Variants in CENPI observed in about 807,000 individuals in gnomAD.
The protein encoded by CENPI is FSH primary response 1.
In CENPI, 4 loss-of-function variants were observed where a neutral mutation model predicts 60.4. The ratio of observed to expected loss-of-function variants is 0.07; its 90% confidence interval spans 0.03 to 0.15. The LOEUF (loss-of-function observed/expected upper bound fraction) is 0.15, where lower values mean the gene tolerates loss of function less well. Among genes scored for constraint, CENPI ranks in the 10% least tolerant of loss-of-function variants. The pLI is 1.00. For synonymous variants in CENPI, 157 were observed against 189.4 expected, an observed-to-expected ratio of 0.83 and a Z score of 1.40; for missense variants, 444 against 534.5, an observed-to-expected ratio of 0.83 and a Z score of 1.67.
At chrX:101,176,100 G>A in the CENPI span, among the ~76,000 whole-genome samples, 3 of 111,659 alleles carry the variant, frequency 2.7e-5, no homozygotes, top group African/African-American at 6.5e-5. Flanking sequence ...TTCCATCCAC[G>A]TTGCTTCAAA....
intron 15 of CENPI, among the ~76,000 whole-genome samples, chrX:101,138,309 G>A (rs2089870918): frequency 9.3e-6 from 1 of 107,960 alleles, no homozygotes; most frequent in African/African-American, 3.4e-5. Context: ...TCTTTAATGT[G>A]GTGACAGGGG....
At chrX:101,172,596 CAGAA>C in the CENPI span, among the ~76,000 whole-genome samples, 10 of 111,826 alleles carry the variant, frequency 8.9e-5, no homozygotes, top group Non-Finnish European at 1.5e-4. Flanking sequence ...TGTATAAAGA[CAGAA>C]AGAAGTAGTT....
intron 8 of CENPI, among the ~76,000 whole-genome samples, chrX:101,122,108 G>C (rs1435650690): frequency 9.0e-6 from 1 of 111,508 alleles, no homozygotes; most frequent in African/African-American, 3.3e-5. Flanking sequence ...TCTGGCCTAG[G>C]AAAGCATTTT....
chrX:101,124,075 G>A (rs1315202296), intron 8 of CENPI, among the ~76,000 whole-genome samples: 2 of 101,123 alleles, frequency 2.0e-5, no homozygotes, highest in Non-Finnish European at 4.0e-5. Context: ...TTGCACGGTT[G>A]TACATATAGA....
Position 101,132,962 on chromosome X carries a change from G to C in CENPI, c.1470+506G>C, listed in dbSNP as rs759138809. ...ATATAATATGTTACTATTTTGGAGT[G>C]GTCTCCAAGAAGACCAATATGGCTT... On this transcript the variant is annotated intron_variant, in intron 15 of 21. Transcript: ENST00000682095. Among the ~76,000 whole-genome samples, 33 of 110,472 alleles carry C rather than the reference G, an allele frequency of 3.0e-4. No individual in the cohort carries two copies. The South Asian group carries it at 4.3e-3, about 14-fold the overall frequency.
intron 11 of CENPI, 116 bp downstream of exon 11, chrX:101,127,781 G>A: frequency 1.8e-6 from 1 of 566,580 alleles, no homozygotes; most frequent in East Asian, 3.6e-5. Flanking sequence ...TGTCACCCAG[G>A]CAGTGGTGTG....
At chrX:101,150,585 G>T (rs1169178651) in intron 20 of CENPI, among the ~76,000 whole-genome samples, 1 of 110,526 alleles carries the variant, frequency 9.0e-6, no homozygotes, top group Non-Finnish European at 1.9e-5. Flanking sequence ...GTCCAGGCTG[G>T]TCTCAAACTC....
chrX:101,143,383 C>T (rs912580793), intron 16 of CENPI, among the ~76,000 whole-genome samples: 1 of 111,170 alleles, frequency 9.0e-6, no homozygotes, highest in Non-Finnish European at 1.9e-5. Flanking sequence ...GAACTAATAC[C>T]CATAGGTACT....
rs1052341077 is a variant in CENPI at position 101,107,240 on chromosome X, G to T, written c.365-2233G>T. 5.2e-4 allele frequency among the ~76,000 whole-genome samples: 57 copies of T among 109,659 alleles called. 1 individual carries two copies. The highest frequency in any genetic ancestry group is 2.8e-4 in the Non-Finnish European group (15 of 52,720). On this transcript the variant is annotated intron_variant, in intron 4 of 21. Coordinates refer to ENST00000682095, the MANE Select transcript of CENPI (RefSeq NM_001386188.2). ...ATGTAACACCTCATGCAAAGTGTCC[G>T]TCAGTAGCTTTAAATAAATCAGTCT...
At chrX:101,123,620 C>G (rs2089702867) in intron 8 of CENPI, among the ~76,000 whole-genome samples, 1 of 110,723 alleles carries the variant, frequency 9.0e-6, no homozygotes, top group Non-Finnish European at 1.9e-5. Context: ...GGGGGTCTCA[C>G]TTTGTCACCC....
At chrX:101,128,894 G>T (rs2089765525) in intron 12 of CENPI, 58 bp downstream of exon 12, 7 of 1,084,121 alleles carry the variant, frequency 6.5e-6, no homozygotes, top group Non-Finnish European at 7.6e-6. Flanking sequence ...TTTTATAAGG[G>T]TGCCAAATTC....
chrX:101,133,317 A>AT (rs750307029), intron 15 of CENPI, among the ~76,000 whole-genome samples: 1,557 of 76,885 alleles, frequency 0.02, 27 homozygotes, highest in East Asian at 0.07. Flanking sequence ...TTCAGTTTGA[A>AT]TTTTTTTTTT....
chrX:101,171,953 A>G, the CENPI span, among the ~76,000 whole-genome samples: 1 of 112,263 alleles, frequency 8.9e-6, no homozygotes, highest in Non-Finnish European at 1.9e-5. Flanking sequence ...TTTTATTCCG[A>G]ATATATAAAT....
Position 101,108,662 on chromosome X carries a change from T to TGA in CENPI, c.365-805_365-804dup, listed in dbSNP as rs1384731716. On this transcript the variant is annotated intron_variant, in intron 4 of 21. Transcript: ENST00000682095. Reference sequence around the variant, plus strand: ...TTTGCCTTATAGTTTTTTTTTTTTTTGAGAGAGGGTCTCACTCTGTCACCC... The same window carrying TGA: ...TTTGCCTTATAGTTTTTTTTTTTTTTGAGAGAGAGGGTCTCACTCTGTCACCC... Among the ~76,000 whole-genome samples the TGA allele has an allele frequency of 6.2e-4, 67 of 108,010 alleles. 1 individual carries two copies. Among genetic ancestry groups the TGA allele is most frequent in the South Asian group, 2.4e-3 (6 of 2,529 alleles). The allele number at this position is 108,010 out of a possible 115,157, so 93.8% of individuals were successfully genotyped here.
chrX:101,155,990 T>C (rs1472401892), intron 20 of CENPI, among the ~76,000 whole-genome samples: 1 of 111,854 alleles, frequency 8.9e-6, no homozygotes, highest in East Asian at 2.8e-4. Context: ...TGCCTTGCCT[T>C]TGTTTAATAA....
At chrX:101,135,535 C>T (rs1281342212) in intron 15 of CENPI, among the ~76,000 whole-genome samples, 1 of 112,064 alleles carries the variant, frequency 8.9e-6, no homozygotes, top group Non-Finnish European at 1.9e-5. Flanking sequence ...AAGGGATAGT[C>T]AGACTCATGA....
At chrX:101,145,574 T>C (rs1047453748) in intron 17 of CENPI, among the ~76,000 whole-genome samples, 1 of 109,502 alleles carries the variant, frequency 9.1e-6, no homozygotes, top group African/African-American at 3.3e-5. Context: ...CTTACTTCTC[T>C]TGCTACCTAG....
At position 101,147,965 on chromosome X, in the gene CENPI, G is replaced by A; in HGVS notation, c.1898G>A (p.Ser633Asn). The change falls in exon 20 of 22, where the codon AGC (serine) becomes AAC (asparagine). Residue 633 changes from serine (S) to asparagine (N), a missense_variant. Coordinates refer to ENST00000682095, the MANE Select transcript of CENPI (RefSeq NM_001386188.2). Reference sequence around the variant, plus strand: ...TAGACAAAATCAGAGTTCAATTTCAGCAGCAAGACTTATCAAGAATTTAAT... The same window carrying A: ...TAGACAAAATCAGAGTTCAATTTCAACAGCAAGACTTATCAAGAATTTAAT... ...VQKTKSEFNFSSKTYQEFNHY... is the reference protein window; with the variant it reads ...VQKTKSEFNFNSKTYQEFNHY... 3 of 1,206,477 alleles carry A rather than the reference G, an allele frequency of 2.5e-6. No individual in the cohort carries two copies. The highest frequency in any genetic ancestry group is 3.4e-6 in the Non-Finnish European group (3 of 893,165).
At chrX:101,162,806 G>C (rs762458036) in intron 21 of CENPI, 27 bp from the exon 22 acceptor site, 15 of 1,202,749 alleles carry the variant, frequency 1.2e-5, no homozygotes, top group Non-Finnish European at 1.7e-5. Flanking sequence ...TATTCGATAA[G>C]TAATTTTCCT....
Sources: allele counts gnomAD v4.1 joint callset (sites outside exome capture counted in the v4.1 genomes callset), GRCh38; gene constraint gnomAD v4.1.1; transcripts MANE v1.5; gene names NCBI Gene and HGNC (gene_info 2026-07-23, HGNC 2026-07-21).